The following SLC2A9 variants were observed in gnomAD, a reference collection of about 807,000 sequenced individuals.
The protein encoded by SLC2A9 is solute carrier family 2 member 9.
In SLC2A9, 39 loss-of-function variants were observed where a neutral mutation model predicts 50.6. That is an observed-to-expected ratio of 0.77 (90% CI 0.60 to 1.01). The LOEUF (loss-of-function observed/expected upper bound fraction) is 1.01. Ranked by LOEUF, SLC2A9 falls within the 50% of genes least tolerant of loss-of-function variation. The pLI is 0.00. For synonymous variants in SLC2A9, 324 were observed against 276.9 expected (o/e 1.17, Z -1.69); for missense variants, 686 against 677.6 (o/e 1.01, Z -0.14).
chr4:10,008,959 T>C (rs1240383956), intron 2 of SLC2A9, among the ~76,000 whole-genome samples: 2 of 149,232 alleles, frequency 1.3e-5, no homozygotes, highest in Non-Finnish European at 3.0e-5. Flanking sequence ...TGAGATAAAG[T>C]GAGACAAAAG....
intron 10 of SLC2A9, among the ~76,000 whole-genome samples, chr4:9,835,651 G>C (rs1398221582): frequency 6.6e-6 from 1 of 152,206 alleles, no homozygotes; most frequent in Non-Finnish European, 1.5e-5. Context: ...AAAGCAACAT[G>C]TCCTTGCTTT....
At chr4:9,920,317 G>A in intron 7 of SLC2A9, 68 bp downstream of exon 7, 1 of 1,570,296 alleles carries the variant, frequency 6.4e-7, no homozygotes, top group South Asian at 1.1e-5. Context: ...TGGGGCCCAA[G>A]CCCTGAACCT....
At chr4:9,864,036 T>G (rs1319643186) in intron 10 of SLC2A9, among the ~76,000 whole-genome samples, 1 of 151,850 alleles carries the variant, frequency 6.6e-6, no homozygotes, top group African/African-American at 2.4e-5. Flanking sequence ...GGGGTTGCCA[T>G]ACAGAGATCT....
At chr4:9,778,088 C>A (rs1350794168), downstream of SLC2A9, among the ~76,000 whole-genome samples, 1 of 150,108 alleles carries the variant, frequency 6.7e-6, no homozygotes, top group Non-Finnish European at 1.5e-5. Flanking sequence ...TTCCTTCCTT[C>A]CTTCCTTCCT....
Position 9,976,305 on chromosome 4 carries a change from C to T in SLC2A9, c.681+4287G>A, listed in dbSNP as rs149967299. Among the ~76,000 whole-genome samples, 987 of 152,308 alleles carry T rather than the reference C, an allele frequency of 6.5e-3. 14 individuals carry two copies. Among genetic ancestry groups the T allele is most frequent in the African/African-American group, 0.022 (917 of 41,556 alleles). On this transcript the variant is annotated intron_variant, in intron 5 of 11. Transcript: ENST00000264784. ...AGCTACCTTCTTGCTAACCCTCCTT[C>T]ACCCTCTGTGTTTCAAAGCAATTGC...
At chr4:9,791,013 T>C (rs1416979290) in intron 3 of SLC2A9, among the ~76,000 whole-genome samples, 1 of 152,246 alleles carries the variant, frequency 6.6e-6, no homozygotes, top group African/African-American at 2.4e-5. Flanking sequence ...ATAGTCTTTG[T>C]GGTTGATGGT....
chr4:9,983,800 T>A (rs1756272916), intron 4 of SLC2A9, among the ~76,000 whole-genome samples: 1 of 152,242 alleles, frequency 6.6e-6, no homozygotes, highest in South Asian at 2.1e-4. Flanking sequence ...CATCATGGCT[T>A]AAGTTTCGGG....
chr4:9,982,856 A>ATTTT (rs1413192473), intron 4 of SLC2A9, among the ~76,000 whole-genome samples: 1 of 152,176 alleles, frequency 6.6e-6, no homozygotes, highest in Non-Finnish European at 1.5e-5. Flanking sequence ...AACATCGTTT[A>ATTTT]TTTTATTTAT....
chr4:9,942,524 A>T (rs1015198207), intron 5 of SLC2A9, among the ~76,000 whole-genome samples: 3 of 152,188 alleles, frequency 2.0e-5, no homozygotes, highest in East Asian at 3.9e-4. Flanking sequence ...GTGAGGACAC[A>T]AGAAGGGCAG....
intron 10 of SLC2A9, among the ~76,000 whole-genome samples, chr4:9,851,561 G>C (rs925185233): frequency 6.6e-6 from 1 of 152,142 alleles, no homozygotes; most frequent in Non-Finnish European, 1.5e-5. Context: ...CCCAGCAATG[G>C]TTCTTAACCA....
intron 1 of SLC2A9, among the ~76,000 whole-genome samples, chr4:9,774,702 C>T (rs1326483085): frequency 1.3e-5 from 2 of 151,960 alleles, no homozygotes; most frequent in Non-Finnish European, 2.9e-5. Flanking sequence ...CATTTTCTCT[C>T]TCTCTCTCCT....
chr4:9,802,712 C>T lies in SLC2A9; in HGVS notation n.421-3471G>A, dbSNP rs766657424. Among the ~76,000 whole-genome samples, 7 of 151,972 alleles carry T rather than the reference C, an allele frequency of 4.6e-5. No individual in the cohort carries two copies. In the South Asian group the frequency reaches 1.5e-3, roughly 32 times the overall value. ...TAGCTGAGATTACAGGTGCCCACCA[C>T]TACGCCTGGCCAATTTTGTTTTGTA... is the stretch of plus-strand genomic sequence containing the variant. On this transcript the variant is annotated intron_variant and non_coding_transcript_variant, in intron 3 of 3. Coordinates refer to the SLC2A9 transcript ENST00000503280.
chr4:9,812,526 A>G (rs1010387899), intron 3 of SLC2A9, among the ~76,000 whole-genome samples: 1 of 151,686 alleles, frequency 6.6e-6, no homozygotes, highest in Non-Finnish European at 1.5e-5. Flanking sequence ...GTTTGAAACT[A>G]TAAGCCCTTT....
intron 8 of SLC2A9, among the ~76,000 whole-genome samples, chr4:9,894,347 T>A (rs964935838): frequency 6.6e-5 from 10 of 152,330 alleles, no homozygotes; most frequent in Admixed American, 5.9e-4. Flanking sequence ...CTAAAACATG[T>A]AGTTATATAA....
At chr4:9,915,278 C>T (rs1033805638) in intron 7 of SLC2A9, among the ~76,000 whole-genome samples, 2 of 152,224 alleles carry the variant, frequency 1.3e-5, no homozygotes, top group African/African-American at 4.8e-5. Flanking sequence ...GCTCTTGTTG[C>T]CCAGGCTGGA....
At chr4:9,919,496 C>T (rs1743509399) in intron 7 of SLC2A9, among the ~76,000 whole-genome samples, 1 of 152,164 alleles carries the variant, frequency 6.6e-6, no homozygotes, top group Admixed American at 6.5e-5. Flanking sequence ...CCCAAACACC[C>T]TCCCTGCCCG....
In SLC2A9 at chr4:9,861,920, T is replaced by C. The variant is rs115536779; in HGVS notation, c.1291+25647A>G. Among the ~76,000 whole-genome samples the C allele has an allele frequency of 4.7e-3, 723 of 152,332 alleles. 6 individuals carry two copies. Among genetic ancestry groups the C allele is most frequent in the African/African-American group, 0.017 (692 of 41,570 alleles). ...AAATCTCCAATGGCTTCCCATGGTA[T>C]TGAAAGTAAAATTCCTGATTCCTTA... On this transcript the variant is annotated intron_variant, in intron 10 of 11. Coordinates refer to ENST00000264784, the MANE Select transcript of SLC2A9 (RefSeq NM_020041.3).
At chr4:9,867,412 T>G (rs28395504) in intron 10 of SLC2A9, among the ~76,000 whole-genome samples, 4,350 of 152,324 alleles carry the variant, frequency 0.029, 200 homozygotes, top group African/African-American at 0.099. Context: ...ACTCTTGAGT[T>G]TCTTGTGAAA....
intron 11 of SLC2A9, among the ~76,000 whole-genome samples, chr4:9,831,609 G>A (rs1726160231): frequency 6.6e-6 from 1 of 152,214 alleles, no homozygotes; most frequent in Non-Finnish European, 1.5e-5. Flanking sequence ...CTGCCGCCCA[G>A]AGAAAGAGAG....
Sources: gnomAD v4.1 joint callset for allele counts (sites outside exome capture counted in the v4.1 genomes callset) on GRCh38, gnomAD v4.1.1 for gene constraint, MANE v1.5 for transcripts, NCBI Gene and HGNC (gene_info 2026-07-23, HGNC 2026-07-21) for gene names.